Variants in DOCK1 observed in about 807,000 individuals in gnomAD.
DOCK1 encodes dedicator of cytokinesis protein 1.
In DOCK1, 138 loss-of-function variants were observed where a neutral mutation model predicts 262.7. The ratio of observed to expected loss-of-function variants is 0.53; its 90% CI spans 0.46 to 0.61. DOCK1 has a LOEUF of 0.61. DOCK1 is among the 20% of genes least tolerant of loss of function. The pLI is 0.00. For missense variants in DOCK1, 1,908 were observed against 2,370.7 expected (o/e 0.80, Z 4.05); for synonymous variants, 866 against 867.4 (o/e 1.00, Z 0.03).
chr10:126,962,177 G>A (rs1175798821), intron 1 of DOCK1, among the ~76,000 whole-genome samples: 1 of 103,018 alleles, frequency 9.7e-6, no homozygotes, highest in Non-Finnish European at 2.0e-5. Context: ...TTTTTTTTTT[G>A]AGATGGAGTT....
In DOCK1 at chr10:126,917,656, C is replaced by T. The variant is rs572780938; in HGVS notation, c.46+12093C>T. ...GCCTCCGGACCCCTTCTGGAAGAGA[C>T]TTATCCCTTTGTTCCACCCCGGGCT... is the stretch of plus-strand genomic sequence containing the variant. On this transcript the variant is annotated intron_variant, in intron 1 of 51. Coordinates refer to ENST00000623213, the MANE Select transcript of DOCK1 (RefSeq NM_001290223.2). Among the ~76,000 whole-genome samples the T allele has an allele frequency of 2.0e-5, 3 of 152,308 alleles. No individual in the cohort carries two copies. The East Asian group carries it at 5.8e-4, about 29-fold the overall frequency.
intron 33 of DOCK1, among the ~76,000 whole-genome samples, chr10:127,366,677 G>A (rs552493544): frequency 5.1e-5 from 3 of 58,428 alleles, no homozygotes; most frequent in South Asian, 8.8e-4. Context: ...TGTCGGTGAT[G>A]TGGGCGAATG....
chr10:127,363,532 G>A (rs1401735369), intron 33 of DOCK1, among the ~76,000 whole-genome samples: 3 of 152,026 alleles, frequency 2.0e-5, no homozygotes, highest in African/African-American at 4.8e-5. Context: ...AACATACTAA[G>A]CATTTTACAT....
intron 29 of DOCK1, among the ~76,000 whole-genome samples, chr10:127,272,844 A>G (rs1390581316): frequency 6.6e-6 from 1 of 152,232 alleles, no homozygotes; most frequent in East Asian, 1.9e-4. Context: ...GAGCTTGTGC[A>G]TGGAAACTCT....
At chr10:127,026,068 A>AG in intron 15 of DOCK1, 1 of 221,178 alleles carries the variant, frequency 4.5e-6, no homozygotes. Flanking sequence ...TCAAAAAAAA[A>AG]AAAAGAAAGA....
chr10:127,225,969 T>C (rs1695435278), intron 27 of DOCK1, among the ~76,000 whole-genome samples: 1 of 151,706 alleles, frequency 6.6e-6, no homozygotes, highest in African/African-American at 2.4e-5. Context: ...TCCCAGCTAC[T>C]TGGGAGGCTG....
intron 27 of DOCK1, among the ~76,000 whole-genome samples, chr10:127,159,283 A>G (rs1737716655): frequency 1.3e-5 from 2 of 152,192 alleles, no homozygotes; most frequent in East Asian, 1.9e-4. Context: ...CTTGGCTTAC[A>G]GAACACAGCG....
At chr10:127,104,276 GAAGTC>G (rs2048410210) in intron 23 of DOCK1, among the ~76,000 whole-genome samples, 1 of 152,168 alleles carries the variant, frequency 6.6e-6, no homozygotes, top group Non-Finnish European at 1.5e-5. Context: ...TTATTTTGAT[GAAGTC>G]CAATTTATCA....
intron 35 of DOCK1, among the ~76,000 whole-genome samples, chr10:127,377,934 A>G (rs2065605576): frequency 6.6e-6 from 1 of 151,590 alleles, no homozygotes; most frequent in African/African-American, 2.4e-5. Flanking sequence ...AAAAAGTAAG[A>G]GACGCAGCAG....
chr10:127,440,384 C>T (rs868117541), intron 49 of DOCK1, among the ~76,000 whole-genome samples: 73 of 152,138 alleles, frequency 4.8e-4, no homozygotes, highest in Middle Eastern at 6.8e-3. Flanking sequence ...AGTCTGAGTG[C>T]GAAGATGAGG....
chr10:127,108,993 G>GT (rs1174763213), intron 24 of DOCK1, among the ~76,000 whole-genome samples: 11 of 152,236 alleles, frequency 7.2e-5, no homozygotes, highest in Non-Finnish European at 1.2e-4. Flanking sequence ...TTGTATTCAA[G>GT]TTTTTTTAAA....
intron 27 of DOCK1, among the ~76,000 whole-genome samples, chr10:127,170,416 G>T (rs1399173215): frequency 6.6e-6 from 1 of 152,142 alleles, no homozygotes; most frequent in African/African-American, 2.4e-5. Context: ...GCTTCACTCT[G>T]GGCAGTGACA....
At chr10:127,101,875 G>A (rs1305683956) in intron 23 of DOCK1, among the ~76,000 whole-genome samples, 10 of 152,192 alleles carry the variant, frequency 6.6e-5, no homozygotes, top group Admixed American at 4.6e-4. Context: ...ACGAGAGACC[G>A]GGAGACTGAG....
At chr10:127,198,071 G>A (rs1401970180) in intron 27 of DOCK1, among the ~76,000 whole-genome samples, 1 of 152,142 alleles carries the variant, frequency 6.6e-6, no homozygotes, top group Non-Finnish European at 1.5e-5. Context: ...GATCCCCCAA[G>A]CTGATTTTCC....
rs1196796446 is a variant in DOCK1 at position 127,374,327 on chromosome 10, A to G, written c.3675+113A>G. The G allele has an allele frequency of 6.0e-6, 8 of 1,324,622 alleles. No individual in the cohort carries two copies. In the East Asian group the frequency reaches 1.3e-4, roughly 21 times the overall value. 82.1% of individuals were successfully genotyped at this position (1,324,622 alleles called of 1,614,324 possible). On this transcript the variant is annotated intron_variant, in intron 35 of 51. Coordinates refer to ENST00000623213, the MANE Select transcript of DOCK1 (RefSeq NM_001290223.2). Reference sequence around the variant, plus strand: ...TCAGCCACGAAGCTTTCCACCGCAGAACAATCTCCTTCGCTTGTTTCCTCA... The same window carrying G: ...TCAGCCACGAAGCTTTCCACCGCAGGACAATCTCCTTCGCTTGTTTCCTCA...
intron 29 of DOCK1, among the ~76,000 whole-genome samples, chr10:127,285,328 C>T (rs117750027): frequency 0.012 from 1,807 of 152,234 alleles, 10 homozygotes; most frequent in Middle Eastern, 0.037. Flanking sequence ...ACATGCACAC[C>T]TTTTGGTGCC....
In DOCK1 at chr10:127,354,683, G is replaced by T. The variant is rs1228329689; in HGVS notation, c.3239G>T (p.Arg1080Met). 1.9e-6 allele frequency: 3 copies of T among 1,613,956 alleles called. No homozygotes were observed. In the Admixed American group the frequency reaches 5.0e-5, roughly 27 times the overall value. ...AKILNKYGDMRRQIGFEIRDM... is the reference protein window; with the variant it reads ...AKILNKYGDMMRQIGFEIRDM... ...CTGATTTCCAGGTACGGAGATATGA[G>T]GAGACAGATTGGCTTTGAAATCAGA... is the stretch of plus-strand genomic sequence containing the variant. Residue 1080 changes from arginine (R) to methionine (M), a missense_variant, in exon 32 of 52, where the codon AGG (arginine) becomes ATG (methionine). Physicochemically the swap from Arg to Met is moderately conservative, Grantham distance 91. This residue lies in a region of DOCK1 where 518 missense variants were observed against 575.1 expected (regional missense o/e 0.90). Coordinates refer to ENST00000623213, the MANE Select transcript of DOCK1 (RefSeq NM_001290223.2).
chr10:127,192,917 C>T (rs1163283548), intron 27 of DOCK1, among the ~76,000 whole-genome samples: 1 of 152,234 alleles, frequency 6.6e-6, no homozygotes, highest in East Asian at 1.9e-4. Flanking sequence ...TTTAAATAAA[C>T]TGATTAAAAG....
At chr10:126,923,610 C>G (rs2033414874) in intron 1 of DOCK1, among the ~76,000 whole-genome samples, 1 of 152,148 alleles carries the variant, frequency 6.6e-6, no homozygotes, top group South Asian at 2.1e-4. Flanking sequence ...GGTGACAGAG[C>G]AAGACTCTGT....
Sources: allele counts gnomAD v4.1 joint callset (sites outside exome capture counted in the v4.1 genomes callset), GRCh38; gene constraint gnomAD v4.1.1; regional missense constraint gnomAD v4.1.1; transcripts MANE v1.5; gene names NCBI Gene and HGNC (gene_info 2026-07-23, HGNC 2026-07-21).